The following NCAPH2 variants were observed in gnomAD, a reference collection of about 807,000 sequenced individuals.
NCAPH2 encodes the protein non-SMC condensin II complex subunit H2.
In NCAPH2, 56 loss-of-function variants were observed where a neutral mutation model predicts 88.6. That is an observed-to-expected ratio of 0.63 (90% confidence interval 0.51 to 0.79). The LOEUF is 0.79. NCAPH2 is among the 30% of genes least tolerant of loss of function. The pLI is 0.00. For missense variants in NCAPH2, 794 were observed against 792.0 expected, an observed-to-expected ratio of 1.00 and a Z score of -0.03; for synonymous variants, 378 against 313.6, an observed-to-expected ratio of 1.21 and a Z score of -2.17.
At chr22:50,509,637 CCCGT>C (rs1258685309) in intron 1 of NCAPH2, among the ~76,000 whole-genome samples, 6 of 152,152 alleles carry the variant, frequency 3.9e-5, no homozygotes, top group Non-Finnish European at 8.8e-5. Flanking sequence ...CTGTTTTTGT[CCCGT>C]CCAATTCGTG....
intron 1 of NCAPH2, 76 bp from the exon 2 acceptor site, chr22:50,516,371 T>A (rs545461782): frequency 1.4e-6 from 2 of 1,384,190 alleles, no homozygotes; most frequent in Non-Finnish European, 2.0e-6. Flanking sequence ...AGACCAAAGA[T>A]GGGTGGGGCT....
chr22:50,516,369 G>A, intron 1 of NCAPH2, 78 bp from the exon 2 acceptor site: 1 of 1,381,686 alleles, frequency 7.2e-7, no homozygotes, highest in Non-Finnish European at 1.0e-6. Flanking sequence ...AGAGACCAAA[G>A]ATGGGTGGGG....
chr22:50,519,414 T>A, intron 9 of NCAPH2, 94 bp downstream of exon 9: 1 of 1,525,766 alleles, frequency 6.6e-7, no homozygotes. Context: ...GACAGTGGTA[T>A]GGCCTTGGCC....
Position 50,519,081 on chromosome 22 carries a change from T to C in NCAPH2, c.731-109T>C, listed in dbSNP as rs2069008639. 6.2e-6 allele frequency: 7 copies of C among 1,120,910 alleles called. No individual in the cohort carries two copies. The East Asian group carries it at 1.0e-4, about 17-fold the overall frequency. The allele number at this position is 1,120,910 out of a possible 1,614,324, so 69.4% of individuals were successfully genotyped here. On this transcript the variant is annotated intron_variant, in intron 8 of 19. Transcript: ENST00000420993. Reference sequence around the variant, plus strand: ...ATGGTGCAAGGCACCCGCCAAATCCTCTGGGCTCCGTGACTAAAGCTGAGG... The same window carrying C: ...ATGGTGCAAGGCACCCGCCAAATCCCCTGGGCTCCGTGACTAAAGCTGAGG...
chr22:50,515,458 G>A (rs537402248), intron 1 of NCAPH2, among the ~76,000 whole-genome samples: 12 of 152,108 alleles, frequency 7.9e-5, no homozygotes, highest in Non-Finnish European at 1.3e-4. Flanking sequence ...GTGCAGTGGC[G>A]CGATCTCGGC....
intron 1 of NCAPH2, among the ~76,000 whole-genome samples, chr22:50,510,735 A>G (rs1242695965): frequency 6.6e-6 from 1 of 152,080 alleles, no homozygotes; most frequent in African/African-American, 2.4e-5. Flanking sequence ...TGGCTGACTG[A>G]GTCCTTTTCA....
intron 9 of NCAPH2, chr22:50,519,568 G>C: frequency 7.8e-7 from 1 of 1,277,686 alleles, no homozygotes; most frequent in South Asian, 2.6e-5. Flanking sequence ...CCAAGGATTT[G>C]AGCCCTGTCG....
intron 1 of NCAPH2, 90 bp downstream of exon 1, chr22:50,508,535 G>C (rs2068690729): frequency 4.6e-6 from 4 of 877,932 alleles, no homozygotes; most frequent in Admixed American, 4.4e-5. Context: ...GCGCCCCACC[G>C]TCTCCACGCC....
chr22:50,510,458 T>G (rs914440188), intron 1 of NCAPH2, among the ~76,000 whole-genome samples: 1 of 152,278 alleles, frequency 6.6e-6, no homozygotes, highest in African/African-American at 2.4e-5. Flanking sequence ...GATGGAGTCT[T>G]GCTCTGTTGC....
At chr22:50,517,043 A>G (rs116585981) in intron 2 of NCAPH2, among the ~76,000 whole-genome samples, 2,164 of 152,282 alleles carry the variant, frequency 0.014, 41 homozygotes, top group African/African-American at 0.048. Flanking sequence ...TGGCGGGAGC[A>G]CACGGGCGGA....
chr22:50,524,322 G>C lies in NCAPH2; in HGVS notation c.*947G>C, dbSNP rs2069231299. On this transcript the variant is annotated 3_prime_UTR_variant, in exon 20 of 20. Coordinates refer to ENST00000420993, the MANE Select transcript of NCAPH2 (RefSeq NM_152299.4). ...ACAAAAGCCAGGACCTCAGATGCAG[G>C]GCCTGGCCTCCCAGGGTCCCAGGGA... 1 of 1,601,802 alleles carries C rather than the reference G, an allele frequency of 6.2e-7. No homozygotes were observed. Among genetic ancestry groups the C allele is most frequent in the Admixed American group, 1.7e-5 (1 of 59,990 alleles).
At chr22:50,515,489 C>T (rs2068890559) in intron 1 of NCAPH2, among the ~76,000 whole-genome samples, 1 of 152,132 alleles carries the variant, frequency 6.6e-6, no homozygotes, top group Non-Finnish European at 1.5e-5. Flanking sequence ...CTCCGCCTCC[C>T]AGGTTCATGC....
In NCAPH2 at chr22:50,523,931, G is replaced by T; in HGVS notation, c.*556G>T. On this transcript the variant is annotated 3_prime_UTR_variant, in exon 20 of 20. Transcript: ENST00000420993. The stretch of plus-strand genomic sequence containing the variant: ...GGGTCCACAGTGATGAAGACAGGCT[G>T]CACTGGAGGCAAACCAGGCTCTGCT... The T allele has an allele frequency of 1.2e-6, 2 of 1,612,808 alleles. No homozygotes were observed. Among genetic ancestry groups the T allele is most frequent in the Non-Finnish European group, 1.7e-6 (2 of 1,179,200 alleles).
rs2069187848 is a variant in NCAPH2 at position 50,523,663 on chromosome 22, A to G, written c.*288A>G. On this transcript the variant is annotated 3_prime_UTR_variant, in exon 20 of 20. Coordinates refer to ENST00000420993, the MANE Select transcript of NCAPH2 (RefSeq NM_152299.4). ...CATGTGCCGCCGCACACTGTCTGAG[A>G]TCTGCTCAGCCGATCTGCTCCGGCC... is the stretch of plus-strand genomic sequence containing the variant. 3.1e-6 allele frequency: 5 copies of G among 1,614,036 alleles called. No homozygotes were observed. The highest frequency in any genetic ancestry group is 1.7e-6 in the Non-Finnish European group (2 of 1,180,018).
rs12148 is a variant in NCAPH2 at position 50,523,779 on chromosome 22, T to A, written c.*404T>A. The stretch of plus-strand genomic sequence containing the variant: ...AGTCCTGGTCCTCATCCTTGGGGCC[T>A]GCATTGTAGTACACGCGGTAACTGT... On this transcript the variant is annotated 3_prime_UTR_variant, in exon 20 of 20. Coordinates refer to ENST00000420993, the MANE Select transcript of NCAPH2 (RefSeq NM_152299.4). 7 of 1,613,948 alleles carry A rather than the reference T, an allele frequency of 4.3e-6. No homozygotes were observed. The highest frequency in any genetic ancestry group is 1.1e-5 in the South Asian group (1 of 91,090).
rs2069136785 is a variant in NCAPH2, at chr22:50,522,520, G to A, written c.1326G>A (p.Glu442=). ...CAGCAGATGACTTTCTAGAGCCTGA[G>A]GAGTACATGGAGCCCGAGGGAGCAG... ...LGAADDFLEP[E]EYMEPEGADP... is the part of the protein sequence containing the mutation. The change falls in exon 16 of 20, where the codon GAG becomes GAA. Residue 442 remains glutamate, a synonymous_variant. Transcript: ENST00000420993. 1.2e-6 allele frequency: 2 copies of A among 1,613,590 alleles called. No homozygotes were observed. Among genetic ancestry groups the A allele is most frequent in the African/African-American group, 2.7e-5 (2 of 74,856 alleles).
chr22:50,517,569 T>G lies in NCAPH2; in HGVS notation c.267-8T>G, dbSNP rs2068960949. The G allele has an allele frequency of 1.2e-6, 2 of 1,613,910 alleles. No individual in the cohort carries two copies. Among genetic ancestry groups the G allele is most frequent in the African/African-American group, 2.7e-5 (2 of 74,928 alleles). On this transcript the variant is annotated splice_region_variant and splice_polypyrimidine_tract_variant and intron_variant, in intron 3 of 19. Coordinates refer to ENST00000420993, the MANE Select transcript of NCAPH2 (RefSeq NM_152299.4). ...CTGGGATGCCCACGGGATGTGCTTC[T>G]CTCTCAGGCGGGCCAAGCAGCTCTC... is the stretch of plus-strand genomic sequence containing the variant.
intron 10 of NCAPH2, 112 bp from the exon 11 acceptor site, chr22:50,521,431 T>C (rs1259884963): frequency 8.8e-7 from 1 of 1,131,356 alleles, no homozygotes; most frequent in African/African-American, 1.5e-5. Flanking sequence ...GGAGCGCGGC[T>C]GTGTACCCCC....
chr22:50,524,366 G>A lies in NCAPH2; in HGVS notation c.*991G>A. 1 of 1,602,430 alleles carries A rather than the reference G, an allele frequency of 6.2e-7. No homozygotes were observed. Among genetic ancestry groups the A allele is most frequent in the Non-Finnish European group, 8.5e-7 (1 of 1,179,830 alleles). On this transcript the variant is annotated 3_prime_UTR_variant, in exon 20 of 20. Coordinates refer to ENST00000420993, the MANE Select transcript of NCAPH2 (RefSeq NM_152299.4). ...CCAGGGAGGACCCGAGGCTTGAGCTGAGAGAGCCTGTGCCAAGCTGTGGGG... is the reference window on the plus strand; with the variant it reads ...CCAGGGAGGACCCGAGGCTTGAGCTAAGAGAGCCTGTGCCAAGCTGTGGGG...
Sources: gnomAD v4.1 joint callset for allele counts (sites outside exome capture counted in the v4.1 genomes callset) on GRCh38, gnomAD v4.1.1 for gene constraint, MANE v1.5 for transcripts, NCBI Gene and HGNC (gene_info 2026-07-23, HGNC 2026-07-21) for gene names.